The following TACC1 variants were observed in gnomAD, a reference collection of about 807,000 sequenced individuals.
TACC1 encodes the protein transforming acidic coiled-coil containing protein 1.
In TACC1, 48 loss-of-function variants were observed where a neutral mutation model predicts 84.4. The observed-to-expected ratio is 0.57, with a 90% CI of 0.45 to 0.72. TACC1 has a LOEUF of 0.72. TACC1 is among the 30% of genes least tolerant of loss of function. TACC1 has a pLI of 0.00. For synonymous variants in TACC1, 372 were observed against 376.3 expected (o/e 0.99, Z 0.13); for missense variants, 920 against 973.0 (o/e 0.95, Z 0.72).
At chr8:38,747,752 A>T (rs1808330712) in intron 3 of TACC1, among the ~76,000 whole-genome samples, 1 of 152,232 alleles carries the variant, frequency 6.6e-6, no homozygotes, top group Non-Finnish European at 1.5e-5. Flanking sequence ...ACTATTCTAT[A>T]TGATACTGTC....
At chr8:38,807,285 G>A (rs982290795) in intron 2 of TACC1, among the ~76,000 whole-genome samples, 21 of 152,144 alleles carry the variant, frequency 1.4e-4, no homozygotes, top group Admixed American at 1.4e-3. Flanking sequence ...CTTTCTGGTC[G>A]TCAGCCCCCA....
At chr8:38,818,797 T>C (rs115873223) in intron 2 of TACC1, among the ~76,000 whole-genome samples, 3,578 of 151,972 alleles carry the variant, frequency 0.024, 124 homozygotes, top group African/African-American at 0.075. Context: ...TTTTCTTCTT[T>C]TTTTTTTCTT....
At chr8:38,794,463 G>A (rs146215801) in intron 2 of TACC1, among the ~76,000 whole-genome samples, 4 of 152,202 alleles carry the variant, frequency 2.6e-5, no homozygotes, top group African/African-American at 7.2e-5. Flanking sequence ...ATGTAACTTC[G>A]GGTGTATGAG....
rs2152349451 is a variant in TACC1, at chr8:38,851,046, G to A, written c.*3023G>A. 1 of 152,612 alleles carries A rather than the reference G, an allele frequency of 6.6e-6. No individual in the cohort carries two copies. The allele number at this position is 152,612 out of a possible 1,614,324, so 9.5% of individuals were successfully genotyped here. On this transcript the variant is annotated 3_prime_UTR_variant, in exon 13 of 13. Coordinates refer to ENST00000317827, the MANE Select transcript of TACC1 (RefSeq NM_006283.3). ...GTTGGAGAGTCTCCTTCCAGCCAGTGACCTACCCAAACCTTTTGTTCTGTA... is the reference window on the plus strand; with the variant it reads ...GTTGGAGAGTCTCCTTCCAGCCAGTAACCTACCCAAACCTTTTGTTCTGTA...
intron 4 of TACC1, among the ~76,000 whole-genome samples, chr8:38,825,599 C>G (rs1827871999): frequency 6.6e-6 from 1 of 151,796 alleles, no homozygotes; most frequent in African/African-American, 2.4e-5. Context: ...ACTTTAAATG[C>G]TACAAAGATG....
chr8:38,740,987 T>C (rs1806955143), intron 1 of TACC1, among the ~76,000 whole-genome samples: 1 of 152,210 alleles, frequency 6.6e-6, no homozygotes, highest in African/African-American at 2.4e-5. Flanking sequence ...AGTCACTATA[T>C]GGCCTCTAAG....
rs138525025 is a variant in TACC1 at position 38,839,593 on chromosome 8, G to T, written c.1917-631G>T. 57 of 279,206 alleles carry T rather than the reference G, an allele frequency of 2.0e-4. 1 individual carries two copies. The East Asian group carries it at 3.0e-3, about 15-fold the overall frequency. The allele number at this position is 279,206 out of a possible 1,614,324, so 17.3% of individuals were successfully genotyped here. A position where few individuals can be genotyped will look rare whatever the true frequency, so the allele number is the denominator to read the frequency against. ...CCATAATAACCAACTTGGATATGAC[G>T]TCAAAAGTGATGGGGGCACCACCAT... On this transcript the variant is annotated intron_variant, in intron 8 of 12. Transcript: ENST00000317827.
chr8:38,772,605 T>G (rs959205653), intron 3 of TACC1, among the ~76,000 whole-genome samples: 1 of 152,176 alleles, frequency 6.6e-6, no homozygotes, highest in Non-Finnish European at 1.5e-5. Flanking sequence ...GGGTCTTGGC[T>G]GCACATCCTG....
chr8:38,824,145 T>C (rs934955611), intron 3 of TACC1: 1 of 819,320 alleles, frequency 1.2e-6, no homozygotes, highest in Non-Finnish European at 1.8e-6. Context: ...TTCTGATGAT[T>C]TTTTTGCATT....
intron 1 of TACC1, among the ~76,000 whole-genome samples, chr8:38,741,621 G>T (rs560018732): frequency 6.6e-6 from 1 of 152,116 alleles, no homozygotes; most frequent in Non-Finnish European, 1.5e-5. Context: ...GCCAGAACCT[G>T]CTGGGTTAGT....
Position 38,848,096 on chromosome 8 carries a change from C to A in TACC1, c.*73C>A. Reference sequence around the variant, plus strand: ...TGTGACCACAATTATCTTGCCTTATCCAGGAATAATTGCCCCTTTGCAGAG... The same window carrying A: ...TGTGACCACAATTATCTTGCCTTATACAGGAATAATTGCCCCTTTGCAGAG... On this transcript the variant is annotated 3_prime_UTR_variant, in exon 13 of 13. Transcript: ENST00000317827. 2 of 1,420,718 alleles carry A rather than the reference C, an allele frequency of 1.4e-6. No individual in the cohort carries two copies. The highest frequency in any genetic ancestry group is 1.9e-6 in the Non-Finnish European group (2 of 1,028,054). 88.0% of individuals were successfully genotyped at this position (1,420,718 alleles called of 1,614,324 possible). A position where few individuals can be genotyped will look rare whatever the true frequency, so the allele number is the denominator to read the frequency against.
chr8:38,804,705 C>T (rs571663525), intron 2 of TACC1, among the ~76,000 whole-genome samples: 19 of 152,300 alleles, frequency 1.2e-4, no homozygotes, highest in African/African-American at 3.6e-4. Context: ...TAGGCTTAAG[C>T]GATCCTCCTG....
chr8:38,820,136 C>G lies in TACC1; in HGVS notation c.892C>G (p.Leu298Val). The change falls in exon 3 of 13, where the codon CTC becomes GTC. Residue 298 changes from leucine to valine, a missense_variant. Leu to Val is a conservative substitution (Grantham distance 32). This residue lies in a region of TACC1 where 762 missense variants were observed against 747.3 expected (regional missense o/e 1.02). Transcript: ENST00000317827. ...PPDLKETPGT[L>V]SSDTNDSGVE... ...TGACCTTAAAGAAACTCCCGGCACT[C>G]TCAGTAGTGACACCAACGACTCAGG... The G allele has an allele frequency of 5.6e-6, 9 of 1,614,158 alleles. 1 individual carries two copies. In the South Asian group the frequency reaches 8.8e-5, roughly 16 times the overall value.
intron 3 of TACC1, among the ~76,000 whole-genome samples, chr8:38,773,561 T>TCTATCTAGCTATCTAGCTATCTATCTAG (rs768304971): frequency 5.3e-5 from 8 of 150,698 alleles, no homozygotes; most frequent in African/African-American, 1.9e-4. Context: ...TGTAAAAGTA[T>TCTATCTAGCTATCTAGCTATCTATCTAG]CTATCTATCT....
chr8:38,830,495 G>T (rs1483222950), intron 5 of TACC1, among the ~76,000 whole-genome samples: 1 of 152,156 alleles, frequency 6.6e-6, no homozygotes, highest in Non-Finnish European at 1.5e-5. Context: ...CTGGTCTCCT[G>T]ACCTCAGATG....
At position 38,849,752 on chromosome 8, in the gene TACC1, G is replaced by T. The variant is rs1026077982; in HGVS notation, c.*1729G>T. The T allele has an allele frequency of 6.6e-6, 1 of 152,580 alleles. No individual in the cohort carries two copies. Among genetic ancestry groups the T allele is most frequent in the Non-Finnish European group, 1.5e-5 (1 of 68,038 alleles). The allele number at this position is 152,580 out of a possible 1,614,324, so 9.5% of individuals were successfully genotyped here. On this transcript the variant is annotated 3_prime_UTR_variant, in exon 13 of 13. Coordinates refer to ENST00000317827, the MANE Select transcript of TACC1 (RefSeq NM_006283.3). ...TTCAAGCCTGTTGTCTTAACATTTT[G>T]TATAAAAAAGAACAACAGAAATTAT...
At chr8:38,734,439 G>T (rs921999736) in intron 1 of TACC1, among the ~76,000 whole-genome samples, 1 of 152,040 alleles carries the variant, frequency 6.6e-6, no homozygotes, top group Non-Finnish European at 1.5e-5. Context: ...CAGGTGATCC[G>T]CCCTCGTTGG....
intron 1 of TACC1, among the ~76,000 whole-genome samples, chr8:38,736,819 G>T (rs1357870485): frequency 3.9e-5 from 6 of 152,122 alleles, no homozygotes; most frequent in African/African-American, 1.4e-4. Context: ...ACACATTTTT[G>T]AGGATTCTGT....
intron 3 of TACC1, among the ~76,000 whole-genome samples, chr8:38,765,630 T>C (rs867328226): frequency 4.7e-4 from 72 of 152,348 alleles, no homozygotes; most frequent in African/African-American, 1.6e-3. Context: ...TTTCACTCTC[T>C]TTCATTCAAC....
Sources: allele counts gnomAD v4.1 joint callset (sites outside exome capture counted in the v4.1 genomes callset), GRCh38; gene constraint gnomAD v4.1.1; regional missense constraint gnomAD v4.1.1; transcripts MANE v1.5; gene names NCBI Gene and HGNC (gene_info 2026-07-23, HGNC 2026-07-21).